DUSP26: variants seen among roughly 807,000 people sequenced by gnomAD.
The protein encoded by DUSP26 is dual specificity phosphatase 26.
DUSP26 carries 12 observed loss-of-function variants against 20.0 expected under a neutral mutation model. The ratio of observed to expected loss-of-function variants is 0.60; its 90% confidence interval spans 0.38 to 0.97. The LOEUF is 0.97. DUSP26 is among the 50% of genes least tolerant of loss of function. The pLI, the probability that DUSP26 is intolerant of heterozygous loss-of-function variation, is 0.00. For synonymous variants in DUSP26, 120 were observed against 118.8 expected, an observed-to-expected ratio of 1.01 and a Z score of -0.06; for missense variants, 230 against 294.0, an observed-to-expected ratio of 0.78 and a Z score of 1.59.
intron 3 of DUSP26, among the ~76,000 whole-genome samples, chr8:33,592,702 C>T (rs941008007): frequency 3.9e-5 from 6 of 151,992 alleles, no homozygotes; most frequent in African/African-American, 9.7e-5. Flanking sequence ...AGGAAGGGGA[C>T]ATGCAGTGGC....
At chr8:33,597,975 TG>T (rs1422210512) in intron 1 of DUSP26, among the ~76,000 whole-genome samples, 2 of 151,682 alleles carry the variant, frequency 1.3e-5, no homozygotes, top group African/African-American at 2.4e-5. Context: ...CTCATCTGCC[TG>T]GGGCTATCGG....
At position 33,592,073 on chromosome 8, in the gene DUSP26, C is replaced by T; in HGVS notation, c.576G>A (p.Arg192=). Residue 192 remains arginine, a synonymous_variant, in exon 4 of 4, where the codon CGG becomes CGA. Transcript: ENST00000256261. The part of the protein sequence containing the change: ...VKDHRGIIPN[R]GFLRQLLALD... ...GGGCCAGGAGCTGCCTCAGGAAGCCCCGGTTGGGGATGATGCCTCGGTGGT... is the reference window on the plus strand; with the variant it reads ...GGGCCAGGAGCTGCCTCAGGAAGCCTCGGTTGGGGATGATGCCTCGGTGGT... The T allele has an allele frequency of 6.2e-7, 1 of 1,614,016 alleles. No homozygotes were observed. The highest frequency in any genetic ancestry group is 8.5e-7 in the Non-Finnish European group (1 of 1,180,006).
rs1811232575 is a variant in DUSP26 at position 33,599,894 on chromosome 8, GCCAGGCAGCGTGGGCTCC to G, written c.-324_-307del. 1 of 152,204 alleles carries G rather than the reference GCCAGGCAGCGTGGGCTCC, an allele frequency of 6.6e-6. No individual in the cohort carries two copies. The highest frequency in any genetic ancestry group is 2.4e-5 in the African/African-American group (1 of 41,434). The allele number at this position is 152,204 out of a possible 1,614,324, so 9.4% of individuals were successfully genotyped here. On this transcript the variant is annotated 5_prime_UTR_variant, in exon 1 of 4. Coordinates refer to ENST00000256261, the MANE Select transcript of DUSP26 (RefSeq NM_024025.3). ...GGTCTCACATTCGGTGGCCCGAGTC[GCCAGGCAGCGTGGGCTCC>G]CCAGCCAACCCCCCACGAGCCCGCG...
Position 33,592,030 on chromosome 8 carries a change from G to T in DUSP26, c.619C>A (p.Gln207Lys). ...CCCTCCCCTCATGCTTCCAGACCCT[G>T]CCGCAGCCTGCGGTCCAGGGCCAGG... ...QLLALDRRLR[Q>K]GLEA is the part of the protein sequence containing the mutation. Residue 207 changes from glutamine to lysine, a missense_variant, in exon 4 of 4, where the codon CAG becomes AAG. Coordinates refer to ENST00000256261, the MANE Select transcript of DUSP26 (RefSeq NM_024025.3). The T allele has an allele frequency of 1.9e-6, 3 of 1,613,606 alleles. No homozygotes were observed. The highest frequency in any genetic ancestry group is 2.7e-5 in the African/African-American group (2 of 74,978).
chr8:33,595,614 C>T (rs1218671769), intron 2 of DUSP26, among the ~76,000 whole-genome samples: 4 of 151,810 alleles, frequency 2.6e-5, no homozygotes, highest in African/African-American at 4.8e-5. Context: ...CTCCTGACCT[C>T]GTGATCCATC....
chr8:33,597,614 A>G, intron 1 of DUSP26, 23 bp from the exon 2 acceptor site: 1 of 1,067,284 alleles, frequency 9.4e-7, no homozygotes, highest in East Asian at 2.5e-5. Flanking sequence ...GGGGTGTGAG[A>G]CACACTTGAG....
In DUSP26 at chr8:33,597,408, T is replaced by C. The variant is rs762230323; in HGVS notation, c.108A>G (p.Pro36=). The change falls in exon 2 of 4, where the codon CCA becomes CCG. Residue 36 remains proline (P), a synonymous_variant. Transcript: ENST00000256261. Reference sequence around the variant, plus strand: ...CATTGAGGAAAGGATGTTGAACGGTTGGCATCTCCTCCAGGGTCCCTCGAG... The same window carrying C: ...CATTGAGGAAAGGATGTTGAACGGTCGGCATCTCCTCCAGGGTCCCTCGAG... The part of the protein sequence containing the change: ...VRTRGTLEEM[P]TVQHPFLNVF... 5.0e-6 allele frequency: 8 copies of C among 1,614,038 alleles called. No homozygotes were observed. The highest frequency in any genetic ancestry group is 6.8e-6 in the Non-Finnish European group (8 of 1,180,050).
At chr8:33,593,402 A>G in intron 3 of DUSP26, 131 bp downstream of exon 3, 1 of 1,047,434 alleles carries the variant, frequency 9.5e-7, no homozygotes, top group Non-Finnish European at 1.4e-6. Context: ...TTGAGATAAT[A>G]TTTTTTTCTT....
At chr8:33,594,021 T>C (rs1811086411) in intron 2 of DUSP26, among the ~76,000 whole-genome samples, 1 of 152,004 alleles carries the variant, frequency 6.6e-6, no homozygotes, top group South Asian at 2.1e-4. Context: ...GGTTTTATCA[T>C]GTTGGCCAGG....
intron 2 of DUSP26, among the ~76,000 whole-genome samples, chr8:33,594,083 G>A (rs898835965): frequency 6.6e-6 from 1 of 151,704 alleles, no homozygotes; most frequent in African/African-American, 2.4e-5. Flanking sequence ...GCCTTCCAAA[G>A]TGCTGGGATG....
At position 33,597,367 on chromosome 8, in the gene DUSP26, C is replaced by T. The variant is rs150556959; in HGVS notation, c.149G>A (p.Arg50Gln). The change falls in exon 2 of 4, where the codon CGG (arginine) becomes CAG (glutamine). Residue 50 changes from arginine to glutamine, a missense_variant. Physicochemically the swap from Arg to Gln is conservative, Grantham distance 43. Transcript: ENST00000256261. The part of the protein sequence containing the change: ...HPFLNVFELE[R>Q]LLYTGKTACN... The stretch of plus-strand genomic sequence containing the variant: ...GGCTGTCTTGCCTGTGTAGAGGAGC[C>T]GCTCCAACTCGAAGACATTGAGGAA... 41 of 1,614,028 alleles carry T rather than the reference C, an allele frequency of 2.5e-5. No homozygotes were observed. In the African/African-American group the frequency reaches 3.5e-4, roughly 14 times the overall value.
chr8:33,596,344 G>C (rs1021526858), intron 2 of DUSP26, among the ~76,000 whole-genome samples: 5 of 152,050 alleles, frequency 3.3e-5, no homozygotes, highest in African/African-American at 1.2e-4. Flanking sequence ...TTGAGAGGCC[G>C]AGACAGGTGG....
At chr8:33,598,909 C>T (rs1231182829) in intron 1 of DUSP26, among the ~76,000 whole-genome samples, 1 of 152,170 alleles carries the variant, frequency 6.6e-6, no homozygotes, top group African/African-American at 2.4e-5. Flanking sequence ...TTTGTCCCTG[C>T]CCATGCTCTG....
At chr8:33,594,805 C>T (rs2128846591) in intron 2 of DUSP26, among the ~76,000 whole-genome samples, 1 of 150,804 alleles carries the variant, frequency 6.6e-6, no homozygotes, top group South Asian at 2.1e-4. Context: ...CTCACTGCAA[C>T]CTCTGCCTCC....
At position 33,597,786 on chromosome 8, in the gene DUSP26, G is replaced by A. The variant is rs75725797; in HGVS notation, c.-76-195C>T. On this transcript the variant is annotated intron_variant, in intron 1 of 3. Transcript: ENST00000256261. ...CAGCTCTTTGGCTCTGCCACGAAAC[G>A]AGGTGGGAGAGTCACATGTCCTTGT... 552 of 381,072 alleles carry A rather than the reference G, an allele frequency of 1.4e-3. 3 individuals carry two copies. Among genetic ancestry groups the A allele is most frequent in the African/African-American group, 0.01 (507 of 48,728 alleles). The allele number at this position is 381,072 out of a possible 1,614,324, so 23.6% of individuals were successfully genotyped here.
chr8:33,594,314 C>G (rs190542865), intron 2 of DUSP26, among the ~76,000 whole-genome samples: 1 of 151,136 alleles, frequency 6.6e-6, no homozygotes, highest in Non-Finnish European at 1.5e-5. Flanking sequence ...AGTGTGCGGC[C>G]GGGCGCGGTG....
In DUSP26 at chr8:33,593,586, A is replaced by G; in HGVS notation, c.383T>C (p.Ile128Thr). The G allele has an allele frequency of 6.2e-7, 1 of 1,614,144 alleles. No individual in the cohort carries two copies. The highest frequency in any genetic ancestry group is 1.3e-5 in the African/African-American group (1 of 75,042). Residue 128 changes from isoleucine to threonine, a missense_variant, in exon 3 of 4, where the codon ATC becomes ACC. Physicochemically the swap from Ile to Thr is moderately conservative, Grantham distance 89 (BLOSUM62 -1). Coordinates refer to ENST00000256261, the MANE Select transcript of DUSP26 (RefSeq NM_024025.3). ...GAAGTCGGCAGCCGTCTGGAAGTGG[A>G]TGCTCATGTCAAAGGCTGGCGAGTC... is the stretch of plus-strand genomic sequence containing the variant. ...AHDSPAFDMS[I>T]HFQTAADFIH... is the part of the protein sequence containing the mutation.
Position 33,593,662 on chromosome 8 carries a change from G to C in DUSP26, c.307C>G (p.Pro103Ala), listed in dbSNP as rs753031331. Residue 103 changes from proline to alanine, a missense_variant, in exon 3 of 4, where the codon CCC becomes GCC. By Grantham distance (27) the Pro-to-Ala change is conservative. Transcript: ENST00000256261. Reference protein sequence around the residue: ...NASHSRWRGTPEAYEGLGIRY... With the variant: ...NASHSRWRGTAEAYEGLGIRY... ...ATGCCCAGCCCCTCATAGGCCTCGGGCGTGCCTCGCCACCGGCTGTGTGAG... is the reference window on the plus strand; with the variant it reads ...ATGCCCAGCCCCTCATAGGCCTCGGCCGTGCCTCGCCACCGGCTGTGTGAG... 6.2e-7 allele frequency: 1 copy of C among 1,614,050 alleles called. No homozygotes were observed. The highest frequency in any genetic ancestry group is 8.5e-7 in the Non-Finnish European group (1 of 1,180,058).
Position 33,599,851 on chromosome 8 carries a change from G to A in DUSP26, c.-263C>T, listed in dbSNP as rs1044115. 0.31 allele frequency: 47,189 copies of A among 152,120 alleles called. 8,828 individuals are homozygous for A. Among genetic ancestry groups the A allele is most frequent in the East Asian group, 0.54 (2,753 of 5,132 alleles). 9.4% of individuals were successfully genotyped at this position (152,120 alleles called of 1,614,324 possible). A position where few individuals can be genotyped will look rare whatever the true frequency, so the allele number is the denominator to read the frequency against. On this transcript the variant is annotated 5_prime_UTR_variant, in exon 1 of 4. Transcript: ENST00000256261. ...CAGGGTTCAAATCAGCGTGTGCGCT[G>A]GTGACATAAAGGGACTCGGTCTCAC...
Sources: allele counts gnomAD v4.1 joint callset (sites outside exome capture counted in the v4.1 genomes callset), GRCh38; gene constraint gnomAD v4.1.1; transcripts MANE v1.5; gene names NCBI Gene and HGNC (gene_info 2026-07-23, HGNC 2026-07-21).